Variants in SPAG16 observed in about 807,000 individuals in gnomAD.
The protein encoded by SPAG16 is sperm associated antigen 16.
SPAG16 carries 86 observed loss-of-function variants against 80.4 expected under a neutral mutation model. That is an observed-to-expected ratio of 1.07 (90% CI 0.90 to 1.28). The LOEUF (loss-of-function observed/expected upper bound fraction) is 1.28. Among genes scored for constraint, SPAG16 ranks in the 50% most tolerant of loss-of-function variants. SPAG16 has a pLI of 0.00. For missense variants in SPAG16, 870 were observed against 765.3 expected (o/e 1.14, Z -1.61); for synonymous variants, 294 against 265.9 (o/e 1.11, Z -1.03).
chr2:214,212,562 A>T (rs892735345), intron 15 of SPAG16, among the ~76,000 whole-genome samples: 1 of 152,048 alleles, frequency 6.6e-6, no homozygotes, highest in Non-Finnish European at 1.5e-5. Context: ...ATCTGTACCT[A>T]GTTGAGGACC....
intron 11 of SPAG16, among the ~76,000 whole-genome samples, chr2:213,894,427 A>T (rs1317841870): frequency 2.0e-5 from 3 of 152,158 alleles, no homozygotes; most frequent in African/African-American, 7.2e-5. Flanking sequence ...AAATGGATGT[A>T]GAAGGAACAT....
chr2:213,831,401 C>A (rs958470287), intron 10 of SPAG16, among the ~76,000 whole-genome samples: 5 of 127,912 alleles, frequency 3.9e-5, no homozygotes, highest in African/African-American at 7.9e-5. Flanking sequence ...CTTTTCAATT[C>A]ATAATTCAGG....
rs543770429 is a variant in SPAG16, at chr2:214,191,986, GA to G, written c.1720+42730del. ...AATGAATCATTGGACATTACTTTGG[GA>G]AAAAAAAAACAGGACTAGGACAAAA... On this transcript the variant is annotated intron_variant, in intron 15 of 15. Transcript: ENST00000331683. 5.5e-5 allele frequency among the ~76,000 whole-genome samples: 8 copies of G among 146,168 alleles called. No individual in the cohort carries two copies. The South Asian group carries it at 8.6e-4, about 16-fold the overall frequency.
chr2:213,590,869 A>G (rs2060663718), intron 10 of SPAG16, among the ~76,000 whole-genome samples: 1 of 152,232 alleles, frequency 6.6e-6, no homozygotes, highest in Non-Finnish European at 1.5e-5. Context: ...TCACAGCACT[A>G]TTCACAATAG....
At chr2:213,919,458 G>T (rs1161501111) in intron 11 of SPAG16, among the ~76,000 whole-genome samples, 1 of 152,154 alleles carries the variant, frequency 6.6e-6, no homozygotes. Context: ...TGCCTTAGCT[G>T]TGTCCCAGAA....
chr2:214,026,308 A>G (rs1362726904), intron 13 of SPAG16, among the ~76,000 whole-genome samples: 1 of 151,534 alleles, frequency 6.6e-6, no homozygotes, highest in Non-Finnish European at 1.5e-5. Context: ...GAACTAATAA[A>G]AATGTCATAA....
intron 15 of SPAG16, among the ~76,000 whole-genome samples, chr2:214,388,881 T>A (rs928850414): frequency 9.2e-5 from 14 of 152,302 alleles, no homozygotes; most frequent in Middle Eastern, 3.4e-3. Context: ...CTGAGAACAT[T>A]GCCTGTATTA....
At position 213,976,311 on chromosome 2, in the gene SPAG16, C is replaced by A. The variant is rs548874501; in HGVS notation, c.1401-37640C>A. On this transcript the variant is annotated intron_variant, in intron 12 of 15. Transcript: ENST00000331683. The stretch of plus-strand genomic sequence containing the variant: ...GTGCACATATGCATACACATGTGTG[C>A]GCATATGTGTACGCATGTGTGCACA... Among the ~76,000 whole-genome samples the A allele has an allele frequency of 6.7e-5, 10 of 149,926 alleles. 2 individuals carry two copies. In the South Asian group the frequency reaches 1.9e-3, roughly 28 times the overall value.
chr2:213,765,533 T>C (rs1349005288), intron 10 of SPAG16, among the ~76,000 whole-genome samples: 1 of 152,200 alleles, frequency 6.6e-6, no homozygotes, highest in Non-Finnish European at 1.5e-5. Flanking sequence ...AGTTAGGGAA[T>C]CCACTTACCT....
intron 15 of SPAG16, among the ~76,000 whole-genome samples, chr2:214,152,712 T>A (rs906182543): frequency 6.6e-6 from 1 of 152,032 alleles, no homozygotes; most frequent in African/African-American, 2.4e-5. Flanking sequence ...ATTTATTGGA[T>A]ACAAAGCAAA....
chr2:214,004,737 T>A (rs1029397644), intron 12 of SPAG16, among the ~76,000 whole-genome samples: 1 of 151,946 alleles, frequency 6.6e-6, no homozygotes, highest in African/African-American at 2.4e-5. Flanking sequence ...GCAGGCTTGA[T>A]CTAGTGCTTA....
intron 10 of SPAG16, among the ~76,000 whole-genome samples, chr2:213,839,838 AC>A (rs768556215): frequency 2.6e-5 from 4 of 152,152 alleles, no homozygotes; most frequent in Non-Finnish European, 5.9e-5. Context: ...GTTTAAAATA[AC>A]TTTTTGAAAT....
At position 213,323,488 on chromosome 2, in the gene SPAG16, G is replaced by A. The variant is rs189529662; in HGVS notation, c.536+6132G>A. Among the ~76,000 whole-genome samples the A allele has an allele frequency of 3.3e-5, 5 of 152,270 alleles. No individual in the cohort carries two copies. The East Asian group carries it at 9.7e-4, about 29-fold the overall frequency. ...AACAATAACAAGTGTTGATGTAAATGTGGAAGAATTGGAACCCTTGCACAT... is the reference window on the plus strand; with the variant it reads ...AACAATAACAAGTGTTGATGTAAATATGGAAGAATTGGAACCCTTGCACAT... On this transcript the variant is annotated intron_variant, in intron 5 of 15. Coordinates refer to ENST00000331683, the MANE Select transcript of SPAG16 (RefSeq NM_024532.5).
chr2:213,863,919 G>A (rs55886363), intron 11 of SPAG16, among the ~76,000 whole-genome samples: 1 of 151,696 alleles, frequency 6.6e-6, no homozygotes, highest in African/African-American at 2.4e-5. Context: ...ACTTTCTTAC[G>A]GCAGAATTGT....
chr2:213,733,004 A>T (rs1179540105), intron 10 of SPAG16, among the ~76,000 whole-genome samples: 2 of 152,132 alleles, frequency 1.3e-5, no homozygotes, highest in Non-Finnish European at 2.9e-5. Flanking sequence ...ACAGTGTAAG[A>T]GTTTTCCTTT....
chr2:213,499,099 A>T lies in SPAG16; in HGVS notation c.1070+9009A>T, dbSNP rs531499797. 4.0e-5 allele frequency among the ~76,000 whole-genome samples: 6 copies of T among 151,832 alleles called. No individual in the cohort carries two copies. The South Asian group carries it at 1.2e-3, about 32-fold the overall frequency. ...GTAGCTCTAACCAATTTTTTTTTCTAGTTCTATTGTGTCCTTTGCTTCTGC... is the reference window on the plus strand; with the variant it reads ...GTAGCTCTAACCAATTTTTTTTTCTTGTTCTATTGTGTCCTTTGCTTCTGC... On this transcript the variant is annotated intron_variant, in intron 10 of 15. Transcript: ENST00000331683.
intron 13 of SPAG16, among the ~76,000 whole-genome samples, chr2:214,098,200 C>T (rs552408078): frequency 1.3e-5 from 2 of 152,066 alleles, no homozygotes; most frequent in South Asian, 2.1e-4. Context: ...AAAATAATGT[C>T]ACAGTTTACC....
intron 9 of SPAG16, among the ~76,000 whole-genome samples, chr2:213,471,357 G>A (rs530467625): frequency 6.6e-6 from 1 of 152,100 alleles, no homozygotes; most frequent in Non-Finnish European, 1.5e-5. Context: ...TCCATTTGAT[G>A]ATGGAATGCT....
chr2:213,836,868 C>T (rs1420779192), intron 10 of SPAG16, among the ~76,000 whole-genome samples: 1 of 152,140 alleles, frequency 6.6e-6, no homozygotes, highest in Non-Finnish European at 1.5e-5. Flanking sequence ...CCGGTCTCAG[C>T]CTCCCAAAGT....
Sources: gnomAD v4.1 joint callset for allele counts (sites outside exome capture counted in the v4.1 genomes callset) on GRCh38, gnomAD v4.1.1 for gene constraint, MANE v1.5 for transcripts, NCBI Gene and HGNC (gene_info 2026-07-23, HGNC 2026-07-21) for gene names.